PRKN: variants seen among roughly 807,000 people sequenced by gnomAD.
PRKN encodes parkin RBR E3 ubiquitin protein ligase.
A neutral mutation model predicts 59.5 loss-of-function variants in PRKN; 56 were observed. The ratio of observed to expected loss-of-function variants is 0.94; its 90% CI spans 0.76 to 1.18. The LOEUF is 1.18. Ranked by LOEUF, PRKN falls within the 50% of genes most tolerant of loss-of-function variation. PRKN has a pLI of 0.00. For missense variants in PRKN, 657 were observed against 596.4 expected, an observed-to-expected ratio of 1.10 and a Z score of -1.06; for synonymous variants, 250 against 222.1, an observed-to-expected ratio of 1.13 and a Z score of -1.12.
At chr6:162,472,468 T>TATATA (rs1385821060) in intron 1 of PRKN, among the ~76,000 whole-genome samples, 51 of 104,162 alleles carry the variant, frequency 4.9e-4, no homozygotes, top group East Asian at 9.4e-4. Context: ...TTTTATTTTA[T>TATATA]TTTATTTTAT....
chr6:161,854,692 A>G lies in PRKN; in HGVS notation c.735-68784T>C, dbSNP rs148009582. Among the ~76,000 whole-genome samples the G allele has an allele frequency of 1.9e-3, 282 of 152,344 alleles. 1 individual carries two copies. Among genetic ancestry groups the G allele is most frequent in the African/African-American group, 6.3e-3 (264 of 41,582 alleles). ...GACAGTCTTCTAAAAGGCAGTCACC[A>G]TAGCATGATTAATTTATTCCTGGTG... On this transcript the variant is annotated intron_variant, in intron 6 of 11. Coordinates refer to ENST00000366898, the MANE Select transcript of PRKN (RefSeq NM_004562.3).
At chr6:162,591,507 G>T (rs916640116) in intron 1 of PRKN, among the ~76,000 whole-genome samples, 1 of 152,082 alleles carries the variant, frequency 6.6e-6, no homozygotes, top group African/African-American at 2.4e-5. Context: ...CGATGCAATT[G>T]TAAGATTATT....
At chr6:162,614,082 A>AG (rs1170882127) in intron 1 of PRKN, among the ~76,000 whole-genome samples, 1 of 152,234 alleles carries the variant, frequency 6.6e-6, no homozygotes, top group Non-Finnish European at 1.5e-5. Context: ...TCTTGCATTT[A>AG]TAAATACTGT....
intron 5 of PRKN, among the ~76,000 whole-genome samples, chr6:162,036,151 C>T (rs961495254): frequency 6.6e-6 from 1 of 151,526 alleles, no homozygotes. Context: ...AGTGAAACCC[C>T]GTCTCTACTA....
intron 9 of PRKN, among the ~76,000 whole-genome samples, chr6:161,493,844 G>T (rs927338968): frequency 1.3e-5 from 2 of 152,216 alleles, no homozygotes; most frequent in Non-Finnish European, 2.9e-5. Context: ...GAACAGTGAA[G>T]TCCTTCAATT....
chr6:162,539,171 T>G (rs1778829216), intron 1 of PRKN, among the ~76,000 whole-genome samples: 1 of 152,148 alleles, frequency 6.6e-6, no homozygotes, highest in Non-Finnish European at 1.5e-5. Context: ...TATTGAGTGT[T>G]TCTCCATGTA....
At chr6:162,692,062 T>A (rs2128235246) in intron 1 of PRKN, among the ~76,000 whole-genome samples, 1 of 152,290 alleles carries the variant, frequency 6.6e-6, no homozygotes, top group Admixed American at 6.5e-5. Context: ...TTTTGTCTTT[T>A]GTTGCCATTG....
chr6:162,193,244 G>A (rs1583179124), intron 4 of PRKN, among the ~76,000 whole-genome samples: 1 of 152,076 alleles, frequency 6.6e-6, no homozygotes, highest in East Asian at 1.9e-4. Context: ...TAAAATACTA[G>A]GCAAAGGACA....
intron 6 of PRKN, among the ~76,000 whole-genome samples, chr6:161,891,292 A>G (rs187289681): frequency 2.5e-4 from 38 of 152,312 alleles, no homozygotes; most frequent in Middle Eastern, 3.4e-3. Flanking sequence ...CCGAGGAAAC[A>G]CTAGGCACAG....
intron 2 of PRKN, among the ~76,000 whole-genome samples, chr6:162,376,136 C>T (rs1261977308): frequency 6.6e-6 from 1 of 152,120 alleles, no homozygotes; most frequent in Non-Finnish European, 1.5e-5. Flanking sequence ...TTTGCCCCAA[C>T]TTCATGCCCA....
intron 9 of PRKN, among the ~76,000 whole-genome samples, chr6:161,479,270 C>T (rs990247762): frequency 6.6e-6 from 1 of 152,148 alleles, no homozygotes; most frequent in African/African-American, 2.4e-5. Context: ...GTTCATAAAA[C>T]ACTATCTACG....
intron 3 of PRKN, among the ~76,000 whole-genome samples, chr6:162,234,295 A>G (rs1205668101): frequency 6.6e-6 from 1 of 152,184 alleles, no homozygotes; most frequent in Non-Finnish European, 1.5e-5. Flanking sequence ...GGAAAAGTGG[A>G]GCCAGGCCCC....
intron 2 of PRKN, among the ~76,000 whole-genome samples, chr6:162,297,866 T>C (rs1011271206): frequency 6.6e-6 from 1 of 152,122 alleles, no homozygotes; most frequent in Admixed American, 6.5e-5. Context: ...TAGCTAAAAA[T>C]CATACTCTCA....
At chr6:162,626,108 C>T (rs903601753) in intron 1 of PRKN, among the ~76,000 whole-genome samples, 1 of 152,148 alleles carries the variant, frequency 6.6e-6, no homozygotes, top group African/African-American at 2.4e-5. Flanking sequence ...ATTCCCCTGC[C>T]TCACAAAATG....
chr6:162,335,244 G>C (rs1198965515), intron 2 of PRKN, among the ~76,000 whole-genome samples: 1 of 151,416 alleles, frequency 6.6e-6, no homozygotes, highest in South Asian at 2.1e-4. Context: ...GTTTCGCTAG[G>C]TTAGGCAGGG....
intron 4 of PRKN, among the ~76,000 whole-genome samples, chr6:162,150,415 T>A (rs1954918): frequency 0.063 from 9,530 of 152,236 alleles, 688 homozygotes; most frequent in East Asian, 0.4. Flanking sequence ...GAGGGCAGAA[T>A]CTTCCTCTGC....
At chr6:161,515,693 T>C (rs1643795983) in intron 9 of PRKN, among the ~76,000 whole-genome samples, 2 of 152,222 alleles carry the variant, frequency 1.3e-5, no homozygotes, top group African/African-American at 4.8e-5. Context: ...CAGTGCTTCT[T>C]GACTTCTACA....
In PRKN at chr6:161,360,862, C is replaced by A. The variant is rs1784950642; in HGVS notation, c.1168-657G>T. Among the ~76,000 whole-genome samples the A allele has an allele frequency of 6.6e-6, 1 of 152,188 alleles. No homozygotes were observed. The highest frequency in any genetic ancestry group is 6.5e-5 in the Admixed American group (1 of 15,290). The stretch of plus-strand genomic sequence containing the variant: ...ATCCCAGCTCTACCCAGACGGGTGA[C>A]TCTGGAAACATTCCCTAAGCTCTCT... On this transcript the variant is annotated intron_variant, in intron 10 of 11. Coordinates refer to ENST00000366898, the MANE Select transcript of PRKN (RefSeq NM_004562.3). This position sits in a 1 kb window ranked among gnomAD's most constrained non-coding sequence, Gnocchi z 5.1.
At chr6:161,590,807 TA>T (rs1269838458) in intron 7 of PRKN, among the ~76,000 whole-genome samples, 1 of 151,436 alleles carries the variant, frequency 6.6e-6, no homozygotes, top group African/African-American at 2.4e-5. Context: ...AATTGAAGGA[TA>T]GTCTACAAAA....
Sources: allele counts gnomAD v4.1 joint callset (sites outside exome capture counted in the v4.1 genomes callset), GRCh38; gene constraint gnomAD v4.1.1; non-coding constraint Gnocchi (gnomAD v3.1); transcripts MANE v1.5; gene names NCBI Gene and HGNC (gene_info 2026-07-23, HGNC 2026-07-21).